TEX11: variants seen among roughly 807,000 people sequenced by gnomAD.
The protein encoded by TEX11 is testis-expressed protein 11.
Under a neutral mutation model 84.4 loss-of-function variants are expected in TEX11, and 7 were observed. The observed-to-expected ratio is 0.08, with a 90% CI of 0.05 to 0.16. The LOEUF is 0.16. Among genes scored for constraint, TEX11 ranks in the 10% least tolerant of loss-of-function variants. The pLI, the probability that TEX11 is intolerant of heterozygous loss-of-function variation, is 1.00. For synonymous variants in TEX11, 264 were observed against 222.8 expected (o/e 1.18, Z -1.64); for missense variants, 551 against 660.5 (o/e 0.83, Z 1.82).
At chrX:70,665,056 G>C (rs929947060) in intron 16 of TEX11, among the ~76,000 whole-genome samples, 1 of 110,596 alleles carries the variant, frequency 9.0e-6, no homozygotes, top group African/African-American at 3.3e-5. Context: ...AATATTCTAT[G>C]AATAGTCTCA....
At chrX:70,624,410 G>C (rs2089428295) in intron 19 of TEX11, among the ~76,000 whole-genome samples, 1 of 111,547 alleles carries the variant, frequency 9.0e-6, no homozygotes, top group South Asian at 3.8e-4. Context: ...TCTTTGAAGG[G>C]ATCTGGCAGC....
At chrX:70,830,816 T>C (rs923972734) in intron 8 of TEX11, among the ~76,000 whole-genome samples, 4 of 111,848 alleles carry the variant, frequency 3.6e-5, no homozygotes, top group African/African-American at 1.3e-4. Flanking sequence ...AAGATAAGTG[T>C]TGGCAAGGGC....
At chrX:70,726,843 TC>T (rs1436425368) in intron 11 of TEX11, among the ~76,000 whole-genome samples, 2 of 108,065 alleles carry the variant, frequency 1.9e-5, no homozygotes, top group Non-Finnish European at 3.8e-5. Flanking sequence ...TTTTTTTTTT[TC>T]ATTATTTGAG....
At position 70,609,156 on chromosome X, in the gene TEX11, G is replaced by C. The variant is rs139166251; in HGVS notation, c.1814C>G (p.Pro605Arg). ...LNRAFVKLSQ[P>R]FGEEALSLES... ...CAAACTTAAGGCTTCTTCACCAAAA[G>C]GCTGAGAAAGTTTCACAAAGGCTGC... The change falls in exon 22 of 30, where the codon CCT becomes CGT. Residue 605 changes from proline (P) to arginine (R), a missense_variant. Physicochemically the swap from Pro to Arg is moderately radical, Grantham distance 103. Coordinates refer to ENST00000374333, the MANE Select transcript of TEX11 (RefSeq NM_031276.3). The C allele has an allele frequency of 5.1e-5, 61 of 1,204,361 alleles. No individual in the cohort carries two copies. Among genetic ancestry groups the C allele is most frequent in the Non-Finnish European group, 2.0e-5 (18 of 892,516 alleles).
At chrX:70,755,523 A>G (rs2090861043) in intron 9 of TEX11, among the ~76,000 whole-genome samples, 2 of 112,047 alleles carry the variant, frequency 1.8e-5, no homozygotes, top group African/African-American at 6.5e-5. Flanking sequence ...GACCTACAAG[A>G]TCTAGAAAAT....
intron 25 of TEX11, among the ~76,000 whole-genome samples, chrX:70,568,995 G>C (rs1397121780): frequency 8.9e-6 from 1 of 111,933 alleles, no homozygotes; most frequent in Non-Finnish European, 1.9e-5. Flanking sequence ...ATATCCTACA[G>C]AGTGTTTTCC....
intron 18 of TEX11, among the ~76,000 whole-genome samples, chrX:70,626,783 C>A (rs1471195607): frequency 3.6e-5 from 4 of 112,288 alleles, no homozygotes; most frequent in African/African-American, 1.3e-4. Context: ...GTGCTACTGG[C>A]AAGCATATTG....
chrX:70,882,045 GAAAAAGA>G (rs1298207116), intron 2 of TEX11, among the ~76,000 whole-genome samples: 10 of 96,072 alleles, frequency 1.0e-4, no homozygotes, highest in East Asian at 3.2e-4. Flanking sequence ...AAAAAAAAAA[GAAAAAGA>G]AAAAAGAAAA....
chrX:70,890,293 T>A (rs774643963), intron 2 of TEX11, among the ~76,000 whole-genome samples: 1 of 111,616 alleles, frequency 9.0e-6, no homozygotes, highest in African/African-American at 3.3e-5. Flanking sequence ...AGACGGGTGA[T>A]TTCTGCATTT....
At chrX:70,881,727 TATAAAA>T (rs1180046760) in intron 2 of TEX11, among the ~76,000 whole-genome samples, 1 of 111,293 alleles carries the variant, frequency 9.0e-6, no homozygotes, top group Admixed American at 9.7e-5. Flanking sequence ...ACTATGTACG[TATAAAA>T]ATAAAAATTA....
At chrX:70,760,201 T>C (rs2090899279) in intron 9 of TEX11, among the ~76,000 whole-genome samples, 1 of 111,684 alleles carries the variant, frequency 9.0e-6, no homozygotes, top group African/African-American at 3.3e-5. Flanking sequence ...AGGTAATTTA[T>C]AGATTCAATG....
chrX:70,761,796 A>G (rs1437079173), intron 9 of TEX11, among the ~76,000 whole-genome samples: 1 of 112,151 alleles, frequency 8.9e-6, no homozygotes, highest in Non-Finnish European at 1.9e-5. Context: ...AGATATCAAT[A>G]TCCAAATACA....
chrX:70,713,638 T>C (rs1395897764), intron 13 of TEX11, among the ~76,000 whole-genome samples: 1 of 111,560 alleles, frequency 9.0e-6, no homozygotes, highest in East Asian at 2.8e-4. Context: ...GGTGGTGATA[T>C]CCCCTTTATC....
rs1177527669 is a variant in TEX11 at position 70,605,425 on chromosome X, T to C, written c.2043A>G (p.Arg681=). Residue 681 remains arginine, a synonymous_variant, in exon 24 of 30, where the codon AGA becomes AGG. Coordinates refer to ENST00000374333, the MANE Select transcript of TEX11 (RefSeq NM_031276.3). ...CCTGTTCAAAAGCTGTTGAAGCTTT[T>C]CTCCCTTGCTCTAGATCAACTGCAA... ...MAVAVDLEQG[R]KASTAFEQTM... is the part of the protein sequence containing the mutation. 3 of 1,203,511 alleles carry C rather than the reference T, an allele frequency of 2.5e-6. No individual in the cohort carries two copies. The highest frequency in any genetic ancestry group is 3.4e-6 in the Non-Finnish European group (3 of 890,163).
intron 17 of TEX11, among the ~76,000 whole-genome samples, chrX:70,631,296 G>A (rs1057445182): frequency 1.8e-5 from 2 of 112,220 alleles, no homozygotes; most frequent in Admixed American, 9.4e-5. Flanking sequence ...TACAAAGTAT[G>A]ATCTTTGACT....
intron 17 of TEX11, among the ~76,000 whole-genome samples, chrX:70,632,752 G>T (rs1441577314): frequency 9.0e-6 from 1 of 111,010 alleles, no homozygotes; most frequent in African/African-American, 3.3e-5. Flanking sequence ...AATAAGAAAG[G>T]TTACAGGTGT....
intron 8 of TEX11, among the ~76,000 whole-genome samples, chrX:70,822,568 C>T (rs919085902): frequency 1.8e-5 from 2 of 110,774 alleles, no homozygotes; most frequent in Admixed American, 9.7e-5. Flanking sequence ...ACACACACAC[C>T]CATATCGGCC....
rs2089297714 is a variant in TEX11, at chrX:70,614,609, C to T, written c.1752-4066G>A. ...TTGCTGCCCTGAAGAGGACACAGGACTAGCTGGTTTCACCACTTGCTGATT... is the reference window on the plus strand; with the variant it reads ...TTGCTGCCCTGAAGAGGACACAGGATTAGCTGGTTTCACCACTTGCTGATT... On this transcript the variant is annotated intron_variant, in intron 20 of 29. Coordinates refer to ENST00000374333, the MANE Select transcript of TEX11 (RefSeq NM_031276.3). Among the ~76,000 whole-genome samples, 2 of 112,090 alleles carry T rather than the reference C, an allele frequency of 1.8e-5. 1 individual carries two copies. Among genetic ancestry groups the T allele is most frequent in the South Asian group, 7.4e-4 (2 of 2,687 alleles).
At chrX:70,583,085 T>C (rs368851830) in intron 25 of TEX11, among the ~76,000 whole-genome samples, 1 of 111,209 alleles carries the variant, frequency 9.0e-6, no homozygotes, top group Non-Finnish European at 1.9e-5. Context: ...TGGGCACTCA[T>C]GATCCTATTT....
Sources: allele counts gnomAD v4.1 joint callset (sites outside exome capture counted in the v4.1 genomes callset), GRCh38; gene constraint gnomAD v4.1.1; transcripts MANE v1.5; gene names NCBI Gene and HGNC (gene_info 2026-07-23, HGNC 2026-07-21).